Variants in ZBED6 observed in about 807,000 individuals in gnomAD.
ZBED6 encodes the protein zinc finger BED domain-containing protein 6.
Under a neutral mutation model 58.4 loss-of-function variants are expected in ZBED6, and 40 were observed. That is an observed-to-expected ratio of 0.68 (90% confidence interval 0.53 to 0.89). The LOEUF (loss-of-function observed/expected upper bound fraction) is 0.89. Ranked by LOEUF, ZBED6 falls within the 40% of genes least tolerant of loss-of-function variation. ZBED6 has a pLI of 0.00. For missense variants in ZBED6, 1,057 were observed against 1,003.9 expected (o/e 1.05, Z -0.71); for synonymous variants, 439 against 350.6 (o/e 1.25, Z -2.82).
At chr1:203,826,962 T>C (rs1192831162) in intron 3 of ZBED6, among the ~76,000 whole-genome samples, 2 of 152,194 alleles carry the variant, frequency 1.3e-5, no homozygotes, top group East Asian at 3.8e-4. Flanking sequence ...CTTCATCCCC[T>C]TGTTACTAAC....
intron 13 of ZBED6, 65 bp downstream of exon 13, chr1:203,848,472 A>C (rs1479318269): frequency 3.2e-6 from 4 of 1,250,138 alleles, no homozygotes; most frequent in Middle Eastern, 2.1e-4. Flanking sequence ...TGGTAGTTTT[A>C]CCTTACAATA....
exon 1 of ZBED6, chr1:203,800,456 G>A (rs913820909): frequency 6.7e-7 from 1 of 1,482,610 alleles, no homozygotes; most frequent in African/African-American, 1.4e-5. Context: ...AAGAAATACT[G>A]CCTTAATTTC....
chr1:203,844,077 G>A (rs932584889), intron 11 of ZBED6, among the ~76,000 whole-genome samples: 3 of 152,010 alleles, frequency 2.0e-5, no homozygotes, highest in East Asian at 1.9e-4. Context: ...GGCTGGTCTC[G>A]AACTCCCGAC....
intron 11 of ZBED6, 53 bp downstream of exon 11, chr1:203,840,427 CCTTTG>C: frequency 1.3e-6 from 2 of 1,551,526 alleles, no homozygotes; most frequent in Non-Finnish European, 1.8e-6. Context: ...GCTGTAAGAG[CCTTTG>C]CTTTTTCTCA....
chr1:203,797,815 C>G (rs902032267), exon 1 of ZBED6: 1 of 1,535,950 alleles, frequency 6.5e-7, no homozygotes, highest in African/African-American at 1.4e-5. Flanking sequence ...GTTGCAGATG[C>G]CCCTGCTTTG....
intron 9 of ZBED6, among the ~76,000 whole-genome samples, chr1:203,835,365 T>G (rs1420828266): frequency 6.6e-6 from 1 of 152,188 alleles, no homozygotes; most frequent in Non-Finnish European, 1.5e-5. Context: ...GTTAAATAAC[T>G]TGCCTAAGGT....
chr1:203,796,594 T>C (rs1668578643), exon 1 of ZBED6: 1 of 397,186 alleles, frequency 2.5e-6, no homozygotes, highest in South Asian at 1.4e-4. Flanking sequence ...ATAGCGATGC[T>C]TTTTAGGGTA....
rs561294240 is a variant in ZBED6, at chr1:203,814,349, C to G, written c.*2555-2577C>G. 3.9e-5 allele frequency among the ~76,000 whole-genome samples: 6 copies of G among 152,282 alleles called. No individual in the cohort carries two copies. The East Asian group carries it at 9.6e-4, about 24-fold the overall frequency. On this transcript the variant is annotated intron_variant, in intron 1 of 16. Transcript: ENST00000550078. ...GACCAGCCTGGCCAACATGGCGAAA[C>G]CCTGTCTCTACTAAAAATACAAAAA...
chr1:203,798,619 C>G, exon 1 of ZBED6: 1 of 1,536,120 alleles, frequency 6.5e-7, no homozygotes, highest in Non-Finnish European at 8.7e-7. Context: ...CTTAGTGACT[C>G]TGATTCAGAT....
At chr1:203,830,196 G>A in exon 7 of ZBED6, 1 of 1,600,662 alleles carries the variant, frequency 6.2e-7, no homozygotes, top group African/African-American at 1.4e-5. Flanking sequence ...AATCTAAGAA[G>A]CAAGGTGGTA....
chr1:203,805,868 C>A, intron 1 of ZBED6: 1 of 850,108 alleles, frequency 1.2e-6, no homozygotes. Context: ...ATCATGTCCA[C>A]TAGCTGGTCT....
exon 8 of ZBED6, chr1:203,831,745 G>A: frequency 6.2e-7 from 1 of 1,612,602 alleles, no homozygotes; most frequent in Non-Finnish European, 8.5e-7. Context: ...ACTGTGGTGA[G>A]GACAGTAACT....
intron 8 of ZBED6, among the ~76,000 whole-genome samples, chr1:203,833,441 G>A (rs918485517): frequency 6.6e-6 from 1 of 151,246 alleles, no homozygotes; most frequent in African/African-American, 2.4e-5. Context: ...TGAGACAGGA[G>A]AATTGCTTGA....
At chr1:203,799,789 G>A in exon 1 of ZBED6, 3 of 1,130,074 alleles carry the variant, frequency 2.7e-6, no homozygotes, top group East Asian at 5.1e-5. Context: ...ACCCTACTAA[G>A]TGCCATGCTT....
At chr1:203,799,945 A>G in exon 1 of ZBED6, 2 of 1,536,150 alleles carry the variant, frequency 1.3e-6, no homozygotes, top group Non-Finnish European at 1.7e-6. Flanking sequence ...TCTTCACCAG[A>G]GATCTGCCAA....
chr1:203,850,360 C>G (rs1017416341), intron 14 of ZBED6, 155 bp from the exon 15 acceptor site: 11 of 1,129,754 alleles, frequency 9.7e-6, no homozygotes, highest in Non-Finnish European at 4.0e-6. Context: ...CACCATGTGA[C>G]CACAAATTGC....
At chr1:203,836,700 C>T (rs925643502) in intron 9 of ZBED6, among the ~76,000 whole-genome samples, 5 of 152,214 alleles carry the variant, frequency 3.3e-5, no homozygotes, top group Non-Finnish European at 4.4e-5. Flanking sequence ...CGCTTGAACC[C>T]GGGAGGTGGA....
In ZBED6 at chr1:203,798,326, C is replaced by T. The variant is rs573597462; in HGVS notation, c.804C>T (p.Ala268=). The T allele has an allele frequency of 2.5e-5, 39 of 1,536,080 alleles. No individual in the cohort carries two copies. In the African/African-American group the frequency reaches 4.4e-4, roughly 17 times the overall value. ...CTGGAACTAGAGCCAAGACATCTGC[C>T]GTTTGGAATTTTTTTTACACTGATC... is the stretch of plus-strand genomic sequence containing the variant. The change falls in exon 1 of 17, where the codon GCC becomes GCT. Residue 268 remains alanine, a synonymous_variant. Coordinates refer to ENST00000550078, the Ensembl canonical transcript of ZBED6.
chr1:203,851,586 TC>T (rs1173819152), intron 16 of ZBED6, among the ~76,000 whole-genome samples: 4 of 152,156 alleles, frequency 2.6e-5, no homozygotes, highest in Non-Finnish European at 5.9e-5. Context: ...TTCCTCGTCT[TC>T]CCAAAGTGCT....
Sources: allele counts gnomAD v4.1 joint callset (sites outside exome capture counted in the v4.1 genomes callset), GRCh38; gene constraint gnomAD v4.1.1; transcripts MANE v1.5; gene names NCBI Gene and HGNC (gene_info 2026-07-23, HGNC 2026-07-21).